Variants in UNC5C observed in about 807,000 individuals in gnomAD.
The protein encoded by UNC5C is netrin receptor UNC5C.
Under a neutral mutation model 99.8 loss-of-function variants are expected in UNC5C, and 47 were observed. The observed-to-expected ratio is 0.47, with a 90% CI of 0.37 to 0.60. UNC5C has a LOEUF of 0.60. Among genes scored for constraint, UNC5C ranks in the 20% least tolerant of loss-of-function variants. The pLI is 0.00. For synonymous variants in UNC5C, 487 were observed against 452.2 expected (o/e 1.08, Z -0.98); for missense variants, 1,062 against 1,165.9 (o/e 0.91, Z 1.30).
chr4:95,468,096 T>C (rs1747846101), intron 1 of UNC5C, among the ~76,000 whole-genome samples: 1 of 151,012 alleles, frequency 6.6e-6, no homozygotes, highest in Non-Finnish European at 1.5e-5. Context: ...TGGCGGACTT[T>C]ACTGAAATAC....
chr4:95,317,884 T>C (rs1212580450), intron 2 of UNC5C, among the ~76,000 whole-genome samples: 1 of 152,144 alleles, frequency 6.6e-6, no homozygotes, highest in Non-Finnish European at 1.5e-5. Flanking sequence ...TGCACTGTCA[T>C]ATTAAGTGAT....
At chr4:95,251,984 G>A (rs1027543605) in intron 4 of UNC5C, among the ~76,000 whole-genome samples, 1 of 152,140 alleles carries the variant, frequency 6.6e-6, no homozygotes, top group African/African-American at 2.4e-5. Flanking sequence ...AAACATTCTT[G>A]ATATTTGCAC....
intron 7 of UNC5C, among the ~76,000 whole-genome samples, chr4:95,228,458 A>G (rs1022250339): frequency 2.1e-4 from 32 of 152,242 alleles, no homozygotes; most frequent in African/African-American, 7.7e-4. Flanking sequence ...AACCAAGTCT[A>G]TGTTCTCACA....
chr4:95,263,963 A>G (rs965084447), intron 4 of UNC5C, among the ~76,000 whole-genome samples: 1 of 152,236 alleles, frequency 6.6e-6, no homozygotes, highest in Non-Finnish European at 1.5e-5. Context: ...AATAAGAGAT[A>G]CTTAAAAATA....
At chr4:95,264,311 G>A (rs928393789) in intron 4 of UNC5C, among the ~76,000 whole-genome samples, 2 of 152,146 alleles carry the variant, frequency 1.3e-5, no homozygotes, top group Admixed American at 1.3e-4. Flanking sequence ...TGAAGACCAT[G>A]CCCAATTGAA....
intron 1 of UNC5C, among the ~76,000 whole-genome samples, chr4:95,526,757 T>C (rs1183648719): frequency 6.6e-6 from 1 of 152,072 alleles, no homozygotes; most frequent in East Asian, 1.9e-4. Context: ...ATTTAAAATA[T>C]GTTTCACAAT....
intron 12 of UNC5C, among the ~76,000 whole-genome samples, chr4:95,201,449 G>GTATT (rs1276440243): frequency 2.6e-5 from 4 of 152,198 alleles, no homozygotes; most frequent in South Asian, 2.1e-4. Flanking sequence ...TTTCTAATAT[G>GTATT]TATTTTCAAT....
chr4:95,515,841 C>T (rs1331901022), intron 1 of UNC5C, among the ~76,000 whole-genome samples: 5 of 152,132 alleles, frequency 3.3e-5, no homozygotes, highest in Non-Finnish European at 7.4e-5. Context: ...TGTATGCTGG[C>T]TTCATCCAAA....
intron 12 of UNC5C, among the ~76,000 whole-genome samples, chr4:95,189,579 G>T (rs1484300207): frequency 6.6e-6 from 1 of 152,140 alleles, no homozygotes; most frequent in Admixed American, 6.5e-5. Flanking sequence ...GAAAATTTTT[G>T]CAATCTACTC....
chr4:95,182,300 A>G (rs1736642379), intron 14 of UNC5C, among the ~76,000 whole-genome samples: 1 of 152,194 alleles, frequency 6.6e-6, no homozygotes, highest in African/African-American at 2.4e-5. Flanking sequence ...TTCTACTTCT[A>G]TTTGTGGCAT....
At chr4:95,520,747 G>C (rs564285078) in intron 1 of UNC5C, among the ~76,000 whole-genome samples, 138 of 151,478 alleles carry the variant, frequency 9.1e-4, no homozygotes, top group Non-Finnish European at 1.7e-3. Flanking sequence ...TACAGGTGCC[G>C]GCCACCACGC....
Position 95,175,198 on chromosome 4 carries a change from A to G in UNC5C, c.2452-4866T>C, listed in dbSNP as rs1400364291. ...CTGATGGGTCTTGACTCTTTATCCA[A>G]TTTGCCAGTCTGTGTCTTTTAATTG... On this transcript the variant is annotated intron_variant, in intron 14 of 15. Transcript: ENST00000453304. Among the ~76,000 whole-genome samples the G allele has an allele frequency of 1.1e-3, 162 of 150,054 alleles. 1 individual carries two copies. Among genetic ancestry groups the G allele is most frequent in the Non-Finnish European group, 2.1e-3 (137 of 66,648 alleles).
chr4:95,286,539 C>T (rs1741240343), intron 3 of UNC5C, among the ~76,000 whole-genome samples: 1 of 152,174 alleles, frequency 6.6e-6, no homozygotes, highest in African/African-American at 2.4e-5. Flanking sequence ...GTTGGTGTGT[C>T]CACAGAGTCC....
At chr4:95,500,391 A>G (rs1254793052) in intron 1 of UNC5C, among the ~76,000 whole-genome samples, 1 of 152,060 alleles carries the variant, frequency 6.6e-6, no homozygotes, top group East Asian at 1.9e-4. Context: ...TGCTTATACA[A>G]CAATGTCTGG....
rs980397716 is a variant in UNC5C at position 95,386,397 on chromosome 4, C to A, written c.125-50766G>T. 2.0e-5 allele frequency among the ~76,000 whole-genome samples: 3 copies of A among 152,220 alleles called. No homozygotes were observed. In the South Asian group the frequency reaches 6.2e-4, roughly 32 times the overall value. On this transcript the variant is annotated intron_variant, in intron 1 of 15. Coordinates refer to ENST00000453304, the MANE Select transcript of UNC5C (RefSeq NM_003728.4). The stretch of plus-strand genomic sequence containing the variant: ...CCCTACCCCACAACAACTTTTGAGC[C>A]CAGATAATACTTTCTGCATGTATTA...
chr4:95,402,046 T>C (rs1745717210), intron 1 of UNC5C, among the ~76,000 whole-genome samples: 3 of 152,224 alleles, frequency 2.0e-5, no homozygotes, highest in Non-Finnish European at 2.9e-5. Flanking sequence ...CACATATCAA[T>C]TATCTAGTTT....
chr4:95,227,909 C>T (rs956856927), intron 7 of UNC5C, among the ~76,000 whole-genome samples: 3 of 152,192 alleles, frequency 2.0e-5, no homozygotes, highest in East Asian at 1.9e-4. Flanking sequence ...ACTTAGGGAA[C>T]GAATGACTTT....
intron 1 of UNC5C, among the ~76,000 whole-genome samples, chr4:95,466,141 T>G: frequency 6.6e-6 from 1 of 152,224 alleles, no homozygotes. Context: ...TATAATTGTC[T>G]AAGCAAAATC....
At chr4:95,422,390 G>A (rs1184791871) in intron 1 of UNC5C, among the ~76,000 whole-genome samples, 1 of 152,186 alleles carries the variant, frequency 6.6e-6, no homozygotes, top group African/African-American at 2.4e-5. Context: ...CCTTAAGGCA[G>A]AGGGCTAAAG....
Sources: gnomAD v4.1 joint callset for allele counts (sites outside exome capture counted in the v4.1 genomes callset) on GRCh38, gnomAD v4.1.1 for gene constraint, MANE v1.5 for transcripts, NCBI Gene and HGNC (gene_info 2026-07-23, HGNC 2026-07-21) for gene names.